NEDD4: variants seen among roughly 807,000 people sequenced by gnomAD.
NEDD4 encodes the protein NEDD4 E3 ubiquitin protein ligase, also known as E3 ubiquitin-protein ligase NEDD4.
In NEDD4, 99 loss-of-function variants were observed where a neutral mutation model predicts 144.9. The observed-to-expected ratio is 0.68, with a 90% CI of 0.58 to 0.81. The LOEUF (loss-of-function observed/expected upper bound fraction) is 0.81. Ranked by LOEUF, NEDD4 falls within the 30% of genes least tolerant of loss-of-function variation. The pLI is 0.00. For synonymous variants in NEDD4, 318 were observed against 350.6 expected, an observed-to-expected ratio of 0.91 and a Z score of 1.04; for missense variants, 985 against 1,065.9, an observed-to-expected ratio of 0.92 and a Z score of 1.06.
intron 5 of NEDD4, among the ~76,000 whole-genome samples, chr15:55,896,879 C>T (rs1017258134): frequency 6.6e-6 from 1 of 151,366 alleles, no homozygotes; most frequent in Admixed American, 6.6e-5. Context: ...CTATTTAAGA[C>T]CTAAAGATAA....
chr15:55,885,197 G>T (rs2035341593), intron 5 of NEDD4, among the ~76,000 whole-genome samples: 2 of 152,134 alleles, frequency 1.3e-5, no homozygotes, highest in Admixed American at 1.3e-4. Context: ...AGTATATCTG[G>T]CGAAAATGTC....
intron 24 of NEDD4, among the ~76,000 whole-genome samples, chr15:55,835,986 G>C (rs2033173572): frequency 6.6e-6 from 1 of 152,112 alleles, no homozygotes; most frequent in South Asian, 2.1e-4. Context: ...TGGTCTGTTA[G>C]CTCCGCAGGC....
chr15:55,853,259 G>GA (rs1359078233), intron 12 of NEDD4, among the ~76,000 whole-genome samples: 7 of 151,536 alleles, frequency 4.6e-5, no homozygotes, highest in Admixed American at 1.3e-4. Context: ...CTTCACTTGG[G>GA]AAAAAAAACA....
chr15:55,863,070 C>T lies in NEDD4; in HGVS notation c.517G>A (p.Val173Ile), dbSNP rs369181075. 1 of 1,568,420 alleles carries T rather than the reference C, an allele frequency of 6.4e-7. No homozygotes were observed. The highest frequency in any genetic ancestry group is 8.7e-7 in the Non-Finnish European group (1 of 1,150,534). The change falls in exon 9 of 29, where the codon GTT becomes ATT. Residue 173 changes from valine to isoleucine, a missense_variant. Coordinates refer to ENST00000435532, the MANE Select transcript of NEDD4 (RefSeq NM_006154.4). ...GCAGCATCTGGTTGGTCCAAAACAA[C>T]CCAGCCAGGCTGAAAAACAGGATGG... ...EQAEELEPGW[V>I]VLDQPDAACH... is the part of the protein sequence containing the mutation.
At chr15:55,916,655 A>G in intron 5 of NEDD4, 3 of 1,614,024 alleles carry the variant, frequency 1.9e-6, no homozygotes, top group Non-Finnish European at 2.5e-6. Flanking sequence ...TTATTAACGG[A>G]GCTAGTGCAG....
Position 55,961,449 on chromosome 15 carries a change from A to G in NEDD4, c.119+5024T>C, listed in dbSNP as rs573853358. On this transcript the variant is annotated intron_variant, in intron 2 of 28. Coordinates refer to ENST00000435532, the MANE Select transcript of NEDD4 (RefSeq NM_006154.4). Reference sequence around the variant, plus strand: ...GAGACAATAAATGTACGTTCTTTTAAGCAACTAAGTTTGTGGTATTATTAT... The same window carrying G: ...GAGACAATAAATGTACGTTCTTTTAGGCAACTAAGTTTGTGGTATTATTAT... Among the ~76,000 whole-genome samples, 308 of 148,358 alleles carry G rather than the reference A, an allele frequency of 2.1e-3. 2 individuals are homozygous for G. Among genetic ancestry groups the G allele is most frequent in the African/African-American group, 7.4e-3 (299 of 40,394 alleles).
At position 55,916,763 on chromosome 15, in the gene NEDD4, G is replaced by A. The variant is rs916306729; in HGVS notation, c.291+7883C>T. ...GAACATGGCTATCCAAGTCATCTCCGGAGGTTTCTGACAAAGGGTAAGTAT... is the reference window on the plus strand; with the variant it reads ...GAACATGGCTATCCAAGTCATCTCCAGAGGTTTCTGACAAAGGGTAAGTAT... On this transcript the variant is annotated intron_variant, in intron 5 of 28. Coordinates refer to ENST00000435532, the MANE Select transcript of NEDD4 (RefSeq NM_006154.4). 6.2e-6 allele frequency: 10 copies of A among 1,613,698 alleles called. No individual in the cohort carries two copies. In the African/African-American group the frequency reaches 6.7e-5, roughly 11 times the overall value.
Position 55,842,066 on chromosome 15 carries a change from A to G in NEDD4, c.1706T>C (p.Leu569Pro). Residue 569 changes from leucine to proline, a missense_variant, in exon 19 of 29, where the codon CTG becomes CCG. By Grantham distance (98) the Leu-to-Pro change is moderately conservative. Transcript: ENST00000435532. ...RIMGVKRADF[L>P]KARLWIEFDG... Reference sequence around the variant, plus strand: ...AAACTCAATCCACAGTCGAGCCTTCAGGAAGTCTGCTCTCTTGACACCCAT... The same window carrying G: ...AAACTCAATCCACAGTCGAGCCTTCGGGAAGTCTGCTCTCTTGACACCCAT... The G allele has an allele frequency of 6.2e-7, 1 of 1,614,206 alleles. No individual in the cohort carries two copies. Among genetic ancestry groups the G allele is most frequent in the South Asian group, 1.1e-5 (1 of 91,086 alleles).
intron 2 of NEDD4, among the ~76,000 whole-genome samples, chr15:55,964,797 T>A (rs201172446): frequency 6.6e-6 from 1 of 151,726 alleles, no homozygotes; most frequent in East Asian, 1.9e-4. Context: ...TGATTTCCAA[T>A]GTGGGAATAT....
At chr15:55,885,714 CAG>C (rs2035359555) in intron 5 of NEDD4, among the ~76,000 whole-genome samples, 1 of 151,670 alleles carries the variant, frequency 6.6e-6, no homozygotes, top group Admixed American at 6.6e-5. Context: ...AATTAAAAGA[CAG>C]AAATTAAAAC....
chr15:55,870,743 C>T (rs1252710791), intron 7 of NEDD4, among the ~76,000 whole-genome samples: 6 of 152,006 alleles, frequency 3.9e-5, no homozygotes, highest in African/African-American at 1.5e-4. Flanking sequence ...CCATGTTGCC[C>T]AGGCTGGTCT....
chr15:55,832,199 A>T (rs1364046776), intron 27 of NEDD4, among the ~76,000 whole-genome samples: 3 of 147,832 alleles, frequency 2.0e-5, no homozygotes, highest in Non-Finnish European at 4.5e-5. Flanking sequence ...AAAAAAAAAA[A>T]GATTTCATGA....
At chr15:55,906,046 G>T (rs1398051316) in intron 5 of NEDD4, among the ~76,000 whole-genome samples, 1 of 152,000 alleles carries the variant, frequency 6.6e-6, no homozygotes, top group African/African-American at 2.4e-5. Flanking sequence ...CATCATCACT[G>T]GCCATCAGAG....
At chr15:55,849,987 GT>G (rs1325955302) in intron 14 of NEDD4, among the ~76,000 whole-genome samples, 5 of 151,806 alleles carry the variant, frequency 3.3e-5, no homozygotes, top group African/African-American at 1.2e-4. Flanking sequence ...TAGAAACGGG[GT>G]TTCACCATGT....
intron 4 of NEDD4, among the ~76,000 whole-genome samples, chr15:55,948,947 G>C (rs1283978648): frequency 6.6e-6 from 1 of 152,164 alleles, no homozygotes; most frequent in Non-Finnish European, 1.5e-5. Context: ...AGCCAGAATT[G>C]ACAAATGGGA....
chr15:55,959,233 G>T (rs555052777), intron 2 of NEDD4, among the ~76,000 whole-genome samples: 1 of 151,982 alleles, frequency 6.6e-6, no homozygotes, highest in Non-Finnish European at 1.5e-5. Flanking sequence ...TTTTCATTCA[G>T]TTCAAAATGT....
At chr15:55,929,243 C>T (rs1040197187) in intron 4 of NEDD4, among the ~76,000 whole-genome samples, 26 of 152,162 alleles carry the variant, frequency 1.7e-4, no homozygotes, top group African/African-American at 4.8e-4. Flanking sequence ...CGAGCACGCA[C>T]GCACACACAC....
Position 55,904,115 on chromosome 15 carries a change from T to C in NEDD4, c.291+20531A>G, listed in dbSNP as rs552990178. 2.0e-5 allele frequency among the ~76,000 whole-genome samples: 3 copies of C among 152,074 alleles called. No homozygotes were observed. The South Asian group carries it at 6.2e-4, about 32-fold the overall frequency. ...AGGCGGAGGTCACAGAGAGCCGAGA[T>C]TGCACAACTGCACTCCAGGGACAAG... On this transcript the variant is annotated intron_variant, in intron 5 of 28. Transcript: ENST00000435532.
At chr15:55,948,523 T>C (rs2037168448) in intron 4 of NEDD4, among the ~76,000 whole-genome samples, 1 of 152,134 alleles carries the variant, frequency 6.6e-6, no homozygotes, top group Non-Finnish European at 1.5e-5. Context: ...AGAACAAAGC[T>C]GGAGGCATCA....
Sources: allele counts gnomAD v4.1 joint callset (sites outside exome capture counted in the v4.1 genomes callset), GRCh38; gene constraint gnomAD v4.1.1; transcripts MANE v1.5; gene names NCBI Gene and HGNC (gene_info 2026-07-23, HGNC 2026-07-21).